ENTHD1: variants seen among roughly 807,000 people sequenced by gnomAD.
ENTHD1 encodes the protein ENTH domain containing 1, also known as ENTH domain-containing protein 1.
ENTHD1 carries 23 observed loss-of-function variants against 39.1 expected under a neutral mutation model. That is an observed-to-expected ratio of 0.59 (90% CI 0.42 to 0.83). ENTHD1 has a LOEUF of 0.83. ENTHD1 is among the 40% of genes least tolerant of loss of function. ENTHD1 has a pLI of 0.00. For missense variants in ENTHD1, 624 were observed against 705.4 expected, an observed-to-expected ratio of 0.88 and a Z score of 1.31; for synonymous variants, 230 against 258.2, an observed-to-expected ratio of 0.89 and a Z score of 1.05.
intron 5 of ENTHD1, among the ~76,000 whole-genome samples, chr22:39,770,687 A>C (rs1934606328): frequency 6.6e-6 from 1 of 152,196 alleles, no homozygotes; most frequent in African/African-American, 2.4e-5. Context: ...TAGCTTCCCA[A>C]TAAGTGAATG....
intron 2 of ENTHD1, among the ~76,000 whole-genome samples, chr22:39,886,689 G>T (rs1601671375): frequency 6.6e-6 from 1 of 152,160 alleles, no homozygotes; most frequent in Non-Finnish European, 1.5e-5. Context: ...TAGAGAGGAA[G>T]CACTGAGCCT....
intron 5 of ENTHD1, among the ~76,000 whole-genome samples, chr22:39,785,276 G>A (rs1479641029): frequency 6.6e-6 from 1 of 152,140 alleles, no homozygotes; most frequent in East Asian, 1.9e-4. Context: ...CTGAGTACCT[G>A]CCCCATTCCA....
intron 6 of ENTHD1, among the ~76,000 whole-genome samples, chr22:39,760,366 T>C (rs922228227): frequency 8.6e-5 from 13 of 152,040 alleles, no homozygotes; most frequent in African/African-American, 3.1e-4. Context: ...TTTTGGCCTA[T>C]GTATCAATAT....
At chr22:39,879,486 A>AAC in intron 2 of ENTHD1, among the ~76,000 whole-genome samples, 1 of 150,556 alleles carries the variant, frequency 6.6e-6, no homozygotes, top group African/African-American at 2.4e-5. Context: ...AAAAAAAAAA[A>AAC]AAAGATATAC....
chr22:39,893,279 G>GA (rs2066443050), intron 1 of ENTHD1: 1 of 152,226 alleles, frequency 6.6e-6, no homozygotes, highest in East Asian at 1.9e-4. Context: ...GCTTTGGAAA[G>GA]AATTTTGAAA....
chr22:39,780,071 T>G (rs2065395865), intron 5 of ENTHD1, among the ~76,000 whole-genome samples: 1 of 152,092 alleles, frequency 6.6e-6, no homozygotes, highest in Non-Finnish European at 1.5e-5. Flanking sequence ...ACTCCTTACT[T>G]AACAATAATA....
At chr22:39,863,751 T>C (rs1386479401) in intron 2 of ENTHD1, among the ~76,000 whole-genome samples, 1 of 152,164 alleles carries the variant, frequency 6.6e-6, no homozygotes, top group Non-Finnish European at 1.5e-5. Context: ...ATTAAAGTAT[T>C]AATGTTTTCT....
chr22:39,858,166 A>C (rs947079920), intron 3 of ENTHD1, among the ~76,000 whole-genome samples: 1 of 152,222 alleles, frequency 6.6e-6, no homozygotes, highest in Non-Finnish European at 1.5e-5. Context: ...AAGTTTATGT[A>C]ATATTCTGAA....
intron 5 of ENTHD1, among the ~76,000 whole-genome samples, chr22:39,806,624 A>G (rs2065642713): frequency 1.3e-5 from 2 of 152,186 alleles, no homozygotes; most frequent in Admixed American, 1.3e-4. Flanking sequence ...AGAATGATGA[A>G]CAAGACACAG....
intron 5 of ENTHD1, among the ~76,000 whole-genome samples, chr22:39,816,776 GA>G (rs2065736855): frequency 2.0e-5 from 3 of 151,754 alleles, no homozygotes; most frequent in Admixed American, 2.0e-4. Context: ...AGAAAAAGAG[GA>G]ATAAATATGA....
At chr22:39,889,823 G>A (rs1002130593) in intron 1 of ENTHD1, among the ~76,000 whole-genome samples, 6 of 152,022 alleles carry the variant, frequency 3.9e-5, no homozygotes, top group African/African-American at 1.4e-4. Context: ...GTGGTTGGGC[G>A]TGGTGGCTCA....
chr22:39,808,129 T>G (rs1251216578), intron 5 of ENTHD1, among the ~76,000 whole-genome samples: 3 of 152,152 alleles, frequency 2.0e-5, no homozygotes, highest in African/African-American at 4.8e-5. Flanking sequence ...GAAGATTAAA[T>G]GAGCTCGACC....
chr22:39,889,957 G>A (rs979682708), intron 1 of ENTHD1, among the ~76,000 whole-genome samples: 5 of 151,888 alleles, frequency 3.3e-5, no homozygotes, highest in African/African-American at 1.2e-4. Flanking sequence ...AATTAGCCAG[G>A]CTTGGTGGCA....
At chr22:39,812,786 T>TG (rs1291516517) in intron 5 of ENTHD1, among the ~76,000 whole-genome samples, 1 of 152,150 alleles carries the variant, frequency 6.6e-6, no homozygotes, top group East Asian at 1.9e-4. Flanking sequence ...TTTGTCTTTT[T>TG]TTTTGTTTTG....
At chr22:39,778,835 C>T (rs1216199300) in intron 5 of ENTHD1, among the ~76,000 whole-genome samples, 2 of 152,102 alleles carry the variant, frequency 1.3e-5, no homozygotes, top group Non-Finnish European at 2.9e-5. Flanking sequence ...TATTTTCATT[C>T]ATGCAACAAA....
In ENTHD1 at chr22:39,775,282, G is replaced by C. The variant is rs537695840; in HGVS notation, c.833-9673C>G. ...GGTACTGCAAACCCCTCAGGTCACA[G>C]ATCCTATTCAACTTGTTTAACCCAT... On this transcript the variant is annotated intron_variant, in intron 5 of 6. Transcript: ENST00000325157. Among the ~76,000 whole-genome samples, 14 of 152,308 alleles carry C rather than the reference G, an allele frequency of 9.2e-5. 1 individual carries two copies. In the South Asian group the frequency reaches 2.9e-3, roughly 32 times the overall value.
At chr22:39,802,994 C>A (rs887181212) in intron 5 of ENTHD1, among the ~76,000 whole-genome samples, 3 of 152,222 alleles carry the variant, frequency 2.0e-5, no homozygotes, top group Admixed American at 1.3e-4. Flanking sequence ...CCTTATCTTT[C>A]TGCTTCTGCT....
chr22:39,760,604 T>C (rs2065225380), intron 6 of ENTHD1, among the ~76,000 whole-genome samples: 1 of 152,088 alleles, frequency 6.6e-6, no homozygotes, highest in African/African-American at 2.4e-5. Context: ...GGAAAGTTTA[T>C]TCCACTTCCA....
intron 5 of ENTHD1, among the ~76,000 whole-genome samples, chr22:39,780,998 CA>C (rs370342913): frequency 1.1e-3 from 136 of 124,676 alleles, no homozygotes; most frequent in Admixed American, 1.7e-3. Context: ...GACTCCATCT[CA>C]AAAAAAAAAA....
Sources: allele counts gnomAD v4.1 joint callset (sites outside exome capture counted in the v4.1 genomes callset), GRCh38; gene constraint gnomAD v4.1.1; transcripts MANE v1.5; gene names NCBI Gene and HGNC (gene_info 2026-07-23, HGNC 2026-07-21).